The following GLG1 variants were observed in gnomAD, a reference collection of about 807,000 sequenced individuals.
GLG1 encodes Golgi apparatus protein 1.
In GLG1, 38 loss-of-function variants were observed where a neutral mutation model predicts 160.5. The observed-to-expected ratio is 0.24, with a 90% CI of 0.18 to 0.31. GLG1 has a LOEUF of 0.31. Ranked by LOEUF, GLG1 falls within the 10% of genes least tolerant of loss-of-function variation. The pLI is 1.00. For synonymous variants in GLG1, 644 were observed against 543.4 expected, an observed-to-expected ratio of 1.19 and a Z score of -2.57; for missense variants, 1,373 against 1,505.2, an observed-to-expected ratio of 0.91 and a Z score of 1.45.
chr16:74,463,094 T>C (rs2014865007), intron 20 of GLG1: 1 of 498,622 alleles, frequency 2.0e-6, no homozygotes, highest in African/African-American at 1.9e-5. Flanking sequence ...TTCTAGATTT[T>C]TCTTTCCAAG....
intron 12 of GLG1, 83 bp from the exon 13 acceptor site, chr16:74,474,715 T>G: frequency 1.3e-6 from 1 of 778,168 alleles, no homozygotes; most frequent in South Asian, 1.4e-5. Context: ...TCATGACACT[T>G]CCCTTTTCAG....
At chr16:74,502,687 A>T (rs1290226686) in intron 4 of GLG1, among the ~76,000 whole-genome samples, 1 of 146,976 alleles carries the variant, frequency 6.8e-6, no homozygotes. Flanking sequence ...GGGACTACAG[A>T]CACCTGCCAC....
At chr16:74,467,096 ACT>A (rs1315327155) in intron 18 of GLG1, among the ~76,000 whole-genome samples, 2 of 152,160 alleles carry the variant, frequency 1.3e-5, no homozygotes, top group Non-Finnish European at 2.9e-5. Context: ...CAAAGAGAAG[ACT>A]CTAAAACCTA....
chr16:74,511,776 G>A lies in GLG1; in HGVS notation c.472-2851C>T, dbSNP rs558096360. Reference sequence around the variant, plus strand: ...AGAAATAGATTTTCCGCCAACAGACGTTTAGATGACCATTTAGATTTTTTG... The same window carrying A: ...AGAAATAGATTTTCCGCCAACAGACATTTAGATGACCATTTAGATTTTTTG... On this transcript the variant is annotated intron_variant, in intron 2 of 25. Transcript: ENST00000422840. 4.1e-4 allele frequency among the ~76,000 whole-genome samples: 62 copies of A among 152,152 alleles called. 1 individual carries two copies. The South Asian group carries it at 0.01, about 25-fold the overall frequency.
chr16:74,495,818 T>A (rs1175134472), intron 5 of GLG1, among the ~76,000 whole-genome samples: 2 of 152,154 alleles, frequency 1.3e-5, no homozygotes, highest in African/African-American at 2.4e-5. Context: ...TAAGTGGAGA[T>A]CATTAGAAGC....
chr16:74,517,846 G>A (rs1026391328), intron 2 of GLG1, among the ~76,000 whole-genome samples: 11 of 152,126 alleles, frequency 7.2e-5, no homozygotes, highest in African/African-American at 2.7e-4. Context: ...AGCAACTTCA[G>A]CAAAGTCTCA....
intron 2 of GLG1, among the ~76,000 whole-genome samples, chr16:74,526,602 T>C (rs903312371): frequency 2.6e-5 from 4 of 151,900 alleles, no homozygotes; most frequent in African/African-American, 7.3e-5. Context: ...TGTGCATCTG[T>C]AGTCCCAGCT....
In GLG1 at chr16:74,472,418, A is replaced by G; in HGVS notation, c.2053-7T>C. ...AGGCTTCTATTTGAATATCCTGTAG[A>G]AAATTAAATATATTAATACTTCTGC... On this transcript the variant is annotated splice_polypyrimidine_tract_variant and splice_region_variant and intron_variant, in intron 13 of 25. Coordinates refer to ENST00000422840, the MANE Select transcript of GLG1 (RefSeq NM_001145667.2). 6.3e-7 allele frequency: 1 copy of G among 1,589,700 alleles called. No homozygotes were observed. Among genetic ancestry groups the G allele is most frequent in the Non-Finnish European group, 8.6e-7 (1 of 1,158,406 alleles).
At chr16:74,569,450 G>C (rs1323685400) in intron 1 of GLG1, among the ~76,000 whole-genome samples, 7 of 152,138 alleles carry the variant, frequency 4.6e-5, no homozygotes, top group Admixed American at 1.3e-4. Context: ...CTTATCAACT[G>C]TCATTCACAA....
chr16:74,548,576 C>T (rs71392603), intron 1 of GLG1, among the ~76,000 whole-genome samples: 96 of 152,010 alleles, frequency 6.3e-4, no homozygotes, highest in East Asian at 5.4e-3. Flanking sequence ...TGGGGTCAAA[C>T]TGACATCAAC....
At chr16:74,551,506 G>A (rs1169902139) in intron 1 of GLG1, among the ~76,000 whole-genome samples, 6 of 148,154 alleles carry the variant, frequency 4.0e-5, no homozygotes, top group South Asian at 2.1e-4. Context: ...TAGTAGAGAC[G>A]GGCGTCTTGC....
chr16:74,581,170 T>C (rs1489612190), intron 1 of GLG1, among the ~76,000 whole-genome samples: 1 of 151,962 alleles, frequency 6.6e-6, no homozygotes, highest in Non-Finnish European at 1.5e-5. Flanking sequence ...GAACACAGGG[T>C]CTCAAAGAGA....
At chr16:74,535,528 GC>G (rs1451571773) in intron 1 of GLG1, among the ~76,000 whole-genome samples, 1 of 152,186 alleles carries the variant, frequency 6.6e-6, no homozygotes, top group African/African-American at 2.4e-5. Flanking sequence ...CACCTCTTGG[GC>G]TTAACTGATC....
At chr16:74,500,608 T>C (rs2016371189) in intron 4 of GLG1, among the ~76,000 whole-genome samples, 1 of 152,038 alleles carries the variant, frequency 6.6e-6, no homozygotes, top group South Asian at 2.1e-4. Context: ...CCTCACTAGA[T>C]AAAGGAAAAA....
intron 25 of GLG1, 34 bp downstream of exon 25, chr16:74,456,615 T>A (rs1326723741): frequency 1.5e-6 from 2 of 1,373,850 alleles, no homozygotes. Flanking sequence ...TATTTTTTTG[T>A]TTTTTTAAAA....
intron 1 of GLG1, among the ~76,000 whole-genome samples, chr16:74,582,595 C>T (rs1314229600): frequency 6.6e-6 from 1 of 151,604 alleles, no homozygotes; most frequent in Non-Finnish European, 1.5e-5. Flanking sequence ...CCAAGGCAGG[C>T]GGATCACGAG....
At chr16:74,513,764 G>A (rs1035607760) in intron 2 of GLG1, among the ~76,000 whole-genome samples, 1 of 152,062 alleles carries the variant, frequency 6.6e-6, no homozygotes, top group African/African-American at 2.4e-5. Flanking sequence ...CACCAGCAAG[G>A]GAACAAAACT....
At chr16:74,519,478 T>A (rs1051462714) in intron 2 of GLG1, among the ~76,000 whole-genome samples, 1 of 150,948 alleles carries the variant, frequency 6.6e-6, no homozygotes, top group African/African-American at 2.4e-5. Flanking sequence ...TAACTTAAAG[T>A]ATAATAATTA....
chr16:74,463,732 T>TTGTTG (rs57313187), intron 19 of GLG1, among the ~76,000 whole-genome samples: 2,343 of 151,228 alleles, frequency 0.015, 46 homozygotes, highest in African/African-American at 0.053. Flanking sequence ...TTGTGTTTTT[T>TTGTTG]TTGTTGTTGT....
Sources: gnomAD v4.1 joint callset for allele counts (sites outside exome capture counted in the v4.1 genomes callset) on GRCh38, gnomAD v4.1.1 for gene constraint, MANE v1.5 for transcripts, NCBI Gene and HGNC (gene_info 2026-07-23, HGNC 2026-07-21) for gene names.